Variants in CHD2 observed in about 807,000 individuals in gnomAD.
The protein encoded by CHD2 is chromodomain helicase DNA binding protein 2.
CHD2 carries 28 observed loss-of-function variants against 243.9 expected under a neutral mutation model. That is an observed-to-expected ratio of 0.11 (90% CI 0.09 to 0.16). The LOEUF (loss-of-function observed/expected upper bound fraction) is 0.16. Among genes scored for constraint, CHD2 ranks in the 10% least tolerant of loss-of-function variants. The pLI is 1.00. For synonymous variants in CHD2, 775 were observed against 779.0 expected (o/e 0.99, Z 0.09); for missense variants, 1,386 against 2,209.8 (o/e 0.63, Z 7.47).
chr15:92,985,617 T>C lies in CHD2; in HGVS notation c.3357T>C (p.Arg1119=). 1 of 1,613,874 alleles carries C rather than the reference T, an allele frequency of 6.2e-7. No homozygotes were observed. Among genetic ancestry groups the C allele is most frequent in the Non-Finnish European group, 8.5e-7 (1 of 1,179,996 alleles). Residue 1119 remains arginine, a synonymous_variant, in exon 26 of 39, where the codon CGT becomes CGC. Coordinates refer to ENST00000394196, the MANE Select transcript of CHD2 (RefSeq NM_001271.4). ...ACAAGAAGCCAAAGCGCAGAGGGCG[T>C]CCGAGGAGTGTGCGGAAGGACCTCG... ...DDDKKPKRRG[R]PRSVRKDLVE...
chr15:92,967,611 T>TC, intron 17 of CHD2, 98 bp downstream of exon 17: 11 of 833,710 alleles, frequency 1.3e-5, no homozygotes, highest in Non-Finnish European at 1.8e-5. Context: ...TTTTTTTTTT[T>TC]TGGAGACAGA....
intron 22 of CHD2, 77 bp downstream of exon 22, chr15:92,979,360 A>G: frequency 6.5e-7 from 1 of 1,528,096 alleles, no homozygotes; most frequent in South Asian, 1.2e-5. Context: ...AGGATTTTCT[A>G]CCACAGACAT....
chr15:93,015,472 A>G (rs2054447907), intron 37 of CHD2, among the ~76,000 whole-genome samples: 1 of 152,264 alleles, frequency 6.6e-6, no homozygotes, highest in Admixed American at 6.5e-5. Context: ...TCTGTATGAC[A>G]GTGAAATGGT....
In CHD2 at chr15:92,939,734, G is replaced by A. The variant is rs2141778590; in HGVS notation, c.692+16G>A. 2 of 1,610,882 alleles carry A rather than the reference G, an allele frequency of 1.2e-6. No homozygotes were observed. The highest frequency in any genetic ancestry group is 1.7e-6 in the Non-Finnish European group (2 of 1,179,326). ...AAAACGTTAGGTAAGTTGTACCCCA[G>A]AAGTGTTTCACTGGTGTGATGTGAT... On this transcript the variant is annotated intron_variant, in intron 7 of 38. Coordinates refer to ENST00000394196, the MANE Select transcript of CHD2 (RefSeq NM_001271.4).
At chr15:92,960,340 C>A (rs988875242) in intron 16 of CHD2, among the ~76,000 whole-genome samples, 45 of 152,134 alleles carry the variant, frequency 3.0e-4, no homozygotes, top group African/African-American at 1.1e-3. Flanking sequence ...CTTCTTCTTG[C>A]CTTATTGTAT....
At chr15:92,991,454 GT>G in intron 26 of CHD2, 21 bp from the exon 27 acceptor site, 8 of 1,573,606 alleles carry the variant, frequency 5.1e-6, no homozygotes, top group Non-Finnish European at 7.0e-6. Flanking sequence ...TTTTTAATAT[GT>G]TTTATTGATC....
rs148969999 is a variant in CHD2 at position 92,924,261 on chromosome 15, T to A, written c.63-60T>A. 1.6e-5 allele frequency: 23 copies of A among 1,472,498 alleles called. No individual in the cohort carries two copies. In the African/African-American group the frequency reaches 2.0e-4, roughly 13 times the overall value. 91.2% of individuals were successfully genotyped at this position (1,472,498 alleles called of 1,614,324 possible). ...ATGTTTTACCATGAGAATTTTTTTT[T>A]AAGCAGATTCATGTGTCAGTTCTTA... is the stretch of plus-strand genomic sequence containing the variant. On this transcript the variant is annotated intron_variant, in intron 2 of 38. Transcript: ENST00000394196.
At chr15:92,984,179 A>G (rs761661043) in intron 24 of CHD2, 151 bp from the exon 25 acceptor site, 1 of 555,954 alleles carries the variant, frequency 1.8e-6, no homozygotes, top group Non-Finnish European at 2.7e-6. Context: ...TATAAAGGAA[A>G]AATTAATAGA....
rs773793367 is a variant in CHD2 at position 92,953,412 on chromosome 15, A to G, written c.1558A>G (p.Ile520Val). The part of the protein sequence containing the change: ...EMGLGKTIQT[I>V]SFLSYLFHQH... The stretch of plus-strand genomic sequence containing the variant: ...GGGCCTAGGAAAGACCATCCAGACC[A>G]TATCATTCCTCTCCTACCTGTTCCA... Residue 520 changes from isoleucine (I) to valine (V), a missense_variant, in exon 14 of 39, where the codon ATA becomes GTA. Ile to Val is a conservative substitution (Grantham distance 29, BLOSUM62 3). Transcript: ENST00000394196. 3.7e-6 allele frequency: 6 copies of G among 1,614,034 alleles called. No individual in the cohort carries two copies. The highest frequency in any genetic ancestry group is 4.2e-6 in the Non-Finnish European group (5 of 1,180,030).
At chr15:92,920,995 C>G (rs930695304) in intron 2 of CHD2, among the ~76,000 whole-genome samples, 2 of 151,776 alleles carry the variant, frequency 1.3e-5, no homozygotes, top group Non-Finnish European at 2.9e-5. Context: ...GTGAGTCTTT[C>G]TAGGTCAGCA....
Position 93,002,279 on chromosome 15 carries a change from G to A in CHD2, c.4240G>A (p.Asp1414Asn). The A allele has an allele frequency of 6.2e-7, 1 of 1,600,766 alleles. No homozygotes were observed. Among genetic ancestry groups the A allele is most frequent in the Non-Finnish European group, 8.5e-7 (1 of 1,174,044 alleles). The stretch of plus-strand genomic sequence containing the variant: ...GAGTTCTAGGAAAGACAAAGAAGGG[G>A]ACAAGGAAAGAAAGAAGTCAAAAGA... ...QMSSRKDKEG[D>N]KERKKSKDKK... Residue 1414 changes from aspartate to asparagine, a missense_variant, in exon 33 of 39, where the codon GAC becomes AAC. Around this residue, in one of 19 missense-constraint regions of CHD2, gnomAD observed 125 missense variants for 128.9 expected, o/e 0.97. Transcript: ENST00000394196.
At position 92,997,511 on chromosome 15, in the gene CHD2, A is replaced by T; in HGVS notation, c.3885+108A>T. On this transcript the variant is annotated intron_variant, in intron 30 of 38. Coordinates refer to ENST00000394196, the MANE Select transcript of CHD2 (RefSeq NM_001271.4). The surrounding 1 kb of genome is among the most constrained non-coding windows in gnomAD (Gnocchi z 4.1). The stretch of plus-strand genomic sequence containing the variant: ...TCGAGGGGGCATCAAATTAGAAATT[A>T]GTATAGTCATTCTTGGAAATACTTC... 1.0e-6 allele frequency: 1 copy of T among 974,354 alleles called. No homozygotes were observed. The highest frequency in any genetic ancestry group is 1.4e-6 in the Non-Finnish European group (1 of 694,354). The allele number at this position is 974,354 out of a possible 1,614,324, so 60.4% of individuals were successfully genotyped here. A position where few individuals can be genotyped will look rare whatever the true frequency, so the allele number is the denominator to read the frequency against.
intron 2 of CHD2, chr15:92,902,720 T>G (rs985345731): frequency 6.6e-5 from 10 of 152,198 alleles, no homozygotes; most frequent in African/African-American, 2.4e-4. Context: ...TTCTGGAAAG[T>G]AATGACAATT....
intron 28 of CHD2, among the ~76,000 whole-genome samples, chr15:92,993,741 A>G (rs2054151659): frequency 1.3e-5 from 2 of 152,278 alleles, no homozygotes; most frequent in South Asian, 4.1e-4. Flanking sequence ...CCAGGAGTTC[A>G]AGTCCAGTCT....
chr15:92,924,126 G>A (rs2053013352), intron 2 of CHD2, among the ~76,000 whole-genome samples, 195 bp from the exon 3 acceptor site: 1 of 152,142 alleles, frequency 6.6e-6, no homozygotes, highest in Non-Finnish European at 1.5e-5. Context: ...TCAGGAAAGG[G>A]TAGCTATTGG....
At chr15:93,014,532 T>C (rs937369812) in intron 36 of CHD2, among the ~76,000 whole-genome samples, 164 bp from the exon 37 acceptor site, 2 of 152,178 alleles carry the variant, frequency 1.3e-5, no homozygotes, top group African/African-American at 4.8e-5. Context: ...GCAAATAGCC[T>C]AACAGTGGAA....
At position 92,976,581 on chromosome 15, in the gene CHD2, A is replaced by G. The variant is rs181300285; in HGVS notation, c.2577+1631A>G. Among the ~76,000 whole-genome samples, 620 of 151,910 alleles carry G rather than the reference A, an allele frequency of 4.1e-3. 4 individuals carry two copies. The highest frequency in any genetic ancestry group is 0.017 in the Middle Eastern group (5 of 294). On this transcript the variant is annotated intron_variant, in intron 20 of 38. Transcript: ENST00000394196. ...TGTAATCTTAGCACTTTGGGAGGCC[A>G]AGATGGGGGAGGATCACTTGAGACC... is the stretch of plus-strand genomic sequence containing the variant.
At chr15:92,987,564 C>A (rs2054059222) in intron 26 of CHD2, among the ~76,000 whole-genome samples, 1 of 150,804 alleles carries the variant, frequency 6.6e-6, no homozygotes, top group Non-Finnish European at 1.5e-5. Context: ...GCCGAGATGG[C>A]ACCACTAAAC....
intron 22 of CHD2, 23 bp downstream of exon 22, chr15:92,979,306 G>A: frequency 1.9e-6 from 3 of 1,610,232 alleles, no homozygotes; most frequent in Non-Finnish European, 1.7e-6. Context: ...AAGATTGGGA[G>A]GTAGGCAGAA....
Sources: allele counts gnomAD v4.1 joint callset (sites outside exome capture counted in the v4.1 genomes callset), GRCh38; gene constraint gnomAD v4.1.1; regional missense constraint gnomAD v4.1.1; non-coding constraint Gnocchi (gnomAD v3.1); transcripts MANE v1.5; gene names NCBI Gene and HGNC (gene_info 2026-07-23, HGNC 2026-07-21).